Variants in CHN2 observed in about 807,000 individuals in gnomAD.
CHN2 encodes beta-chimaerin.
CHN2 carries 35 observed loss-of-function variants against 56.3 expected under a neutral mutation model. The ratio of observed to expected loss-of-function variants is 0.62; its 90% CI spans 0.47 to 0.82. The LOEUF (loss-of-function observed/expected upper bound fraction) is 0.82. Among genes scored for constraint, CHN2 ranks in the 40% least tolerant of loss-of-function variants. The pLI, the probability that CHN2 is intolerant of heterozygous loss-of-function variation, is 0.00. For missense variants in CHN2, 491 were observed against 580.5 expected, an observed-to-expected ratio of 0.85 and a Z score of 1.58; for synonymous variants, 210 against 212.8, an observed-to-expected ratio of 0.99 and a Z score of 0.12.
chr7:29,447,901 G>A (rs11983496), intron 6 of CHN2, among the ~76,000 whole-genome samples: 3,498 of 152,262 alleles, frequency 0.023, 131 homozygotes, highest in African/African-American at 0.079. Context: ...GAATCACTGG[G>A]AGAACTTTGC....
chr7:29,299,170 T>A (rs10215821), intron 1 of CHN2, among the ~76,000 whole-genome samples: 50,806 of 151,968 alleles, frequency 0.33, 8,783 homozygotes, highest in African/African-American at 0.39. Context: ...GGACCAAACA[T>A]CCTATGGTTC....
chr7:29,492,499 A>C (rs1788774368), intron 7 of CHN2, among the ~76,000 whole-genome samples: 1 of 152,038 alleles, frequency 6.6e-6, no homozygotes. Flanking sequence ...ATCATTTCTC[A>C]ACTTCTGAGG....
At chr7:29,405,018 C>G (rs1562581091) in intron 6 of CHN2, among the ~76,000 whole-genome samples, 2 of 151,962 alleles carry the variant, frequency 1.3e-5, no homozygotes, top group African/African-American at 4.8e-5. Context: ...CTCTTTCAGA[C>G]TCTTGGAATT....
At chr7:29,340,387 C>G (rs1292671884) in intron 1 of CHN2, among the ~76,000 whole-genome samples, 1 of 140,296 alleles carries the variant, frequency 7.1e-6, no homozygotes, top group African/African-American at 2.6e-5. Context: ...CTGCCTTCTG[C>G]AGGGGGTTGC....
intron 7 of CHN2, among the ~76,000 whole-genome samples, chr7:29,493,001 A>T (rs1341145181): frequency 6.6e-6 from 1 of 152,192 alleles, no homozygotes; most frequent in Non-Finnish European, 1.5e-5. Flanking sequence ...TACCTTTAAT[A>T]TAATCATGTG....
intron 12 of CHN2, among the ~76,000 whole-genome samples, chr7:29,510,400 C>G (rs1197132413): frequency 7.2e-5 from 11 of 152,134 alleles, no homozygotes; most frequent in Non-Finnish European, 1.3e-4. Context: ...GATGGCACCA[C>G]TGTACTCCAT....
chr7:29,255,607 A>G (rs1789009830), intron 1 of CHN2, among the ~76,000 whole-genome samples: 1 of 152,216 alleles, frequency 6.6e-6, no homozygotes, highest in Non-Finnish European at 1.5e-5. Flanking sequence ...AGGCAATGGG[A>G]CAACTGGGCA....
At chr7:29,303,991 C>T (rs1214451787) in intron 1 of CHN2, among the ~76,000 whole-genome samples, 2 of 151,518 alleles carry the variant, frequency 1.3e-5, no homozygotes, top group Non-Finnish European at 2.9e-5. Context: ...ACCCAGGAGG[C>T]GGAGATTGCA....
At chr7:29,349,859 T>C (rs1168276039) in intron 1 of CHN2, among the ~76,000 whole-genome samples, 2 of 152,232 alleles carry the variant, frequency 1.3e-5, no homozygotes, top group Non-Finnish European at 2.9e-5. Flanking sequence ...CTTTCGTTAT[T>C]TCTTCAAAAT....
intron 8 of CHN2, among the ~76,000 whole-genome samples, chr7:29,496,947 T>C (rs1789364424): frequency 6.6e-6 from 1 of 152,188 alleles, no homozygotes; most frequent in Non-Finnish European, 1.5e-5. Flanking sequence ...TTTAAAAATC[T>C]CAGGAGCATT....
upstream of CHN2, chr7:29,194,753 C>T (rs1164342636): frequency 6.6e-6 from 3 of 453,268 alleles, no homozygotes; most frequent in African/African-American, 4.1e-5. Context: ...AAATAAATAG[C>T]GGCGGCGGCA....
At chr7:29,283,614 T>A (rs1257378419) in intron 1 of CHN2, among the ~76,000 whole-genome samples, 1 of 152,120 alleles carries the variant, frequency 6.6e-6, no homozygotes, top group Admixed American at 6.5e-5. Flanking sequence ...ATTTATATTT[T>A]TATTTTTATT....
rs1261152452 is a variant in CHN2 at position 29,480,104 on chromosome 7, A to G, written c.577-175A>G. The G allele has an allele frequency of 2.6e-6, 4 of 1,552,298 alleles. No individual in the cohort carries two copies. In the South Asian group the frequency reaches 4.8e-5, roughly 18 times the overall value. Reference sequence around the variant, plus strand: ...AGCAAACTGGAAAGAGCTGGGATCCAGGCACTATGTTCTCTGAAGAACTGT... The same window carrying G: ...AGCAAACTGGAAAGAGCTGGGATCCGGGCACTATGTTCTCTGAAGAACTGT... On this transcript the variant is annotated intron_variant, in intron 6 of 12. Transcript: ENST00000222792.
Position 29,265,459 on chromosome 7 carries a change from C to G in CHN2, c.49+70469C>G, listed in dbSNP as rs572150116. On this transcript the variant is annotated intron_variant, in intron 1 of 12. Coordinates refer to ENST00000222792, the MANE Select transcript of CHN2 (RefSeq NM_004067.4). ...GAGTTTGACTTCTGCCTCCTTAAGG[C>G]CCCTGAAGCTGAGCAGGCTGTGAAT... 3.3e-5 allele frequency among the ~76,000 whole-genome samples: 5 copies of G among 152,336 alleles called. No individual in the cohort carries two copies. In the South Asian group the frequency reaches 8.3e-4, roughly 25 times the overall value.
intron 1 of CHN2, among the ~76,000 whole-genome samples, chr7:29,275,046 G>C (rs1002160766): frequency 6.6e-6 from 1 of 152,124 alleles, no homozygotes; most frequent in Non-Finnish European, 1.5e-5. Context: ...CCACACACTA[G>C]GGAATTAGAA....
intron 6 of CHN2, among the ~76,000 whole-genome samples, chr7:29,422,383 A>G (rs1804436115): frequency 1.3e-5 from 2 of 152,156 alleles, no homozygotes. Context: ...ACTAGTTTTT[A>G]AGGTAGTTCC....
chr7:29,152,414 T>G, intron 2 of CHN2, among the ~76,000 whole-genome samples: 1 of 152,288 alleles, frequency 6.6e-6, no homozygotes, highest in South Asian at 2.1e-4. Context: ...TTGTTCTCTA[T>G]TCTCAGTTCC....
chr7:29,448,170 A>G (rs1052531564), intron 6 of CHN2, among the ~76,000 whole-genome samples: 7 of 152,128 alleles, frequency 4.6e-5, no homozygotes, highest in African/African-American at 1.7e-4. Context: ...AGTTTTCTGT[A>G]TCTAGTCTTT....
intron 1 of CHN2, among the ~76,000 whole-genome samples, chr7:29,347,771 G>A (rs1458075628): frequency 2.0e-5 from 3 of 152,152 alleles, no homozygotes; most frequent in Non-Finnish European, 4.4e-5. Flanking sequence ...AATGAACTAA[G>A]TATATTTTGC....
Sources: allele counts gnomAD v4.1 joint callset (sites outside exome capture counted in the v4.1 genomes callset), GRCh38; gene constraint gnomAD v4.1.1; transcripts MANE v1.5; gene names NCBI Gene and HGNC (gene_info 2026-07-23, HGNC 2026-07-21).